The following CSMD1 variants were observed in gnomAD, a reference collection of about 807,000 sequenced individuals.
CSMD1 encodes CUB and Sushi multiple domains 1.
CSMD1 carries 213 observed loss-of-function variants against 417.5 expected under a neutral mutation model. That is an observed-to-expected ratio of 0.51 (90% CI 0.46 to 0.57). The LOEUF (loss-of-function observed/expected upper bound fraction) is 0.57, where lower values mean the gene tolerates loss of function less well. Ranked by LOEUF, CSMD1 falls within the 20% of genes least tolerant of loss-of-function variation. CSMD1 has a pLI of 0.00. For missense variants in CSMD1, 6,923 were observed against 4,529.7 expected (o/e 1.53, Z -15.17); for synonymous variants, 2,862 against 1,736.8 (o/e 1.65, Z -16.11).
intron 1 of CSMD1, among the ~76,000 whole-genome samples, chr8:4,736,435 A>G (rs192944269): frequency 1.3e-5 from 2 of 152,236 alleles, no homozygotes; most frequent in East Asian, 3.9e-4. Flanking sequence ...ATTTGCATGA[A>G]CAGAGAGAAG....
intron 1 of CSMD1, among the ~76,000 whole-genome samples, chr8:4,873,269 C>G (rs1176935538): frequency 6.6e-6 from 1 of 152,060 alleles, no homozygotes; most frequent in Non-Finnish European, 1.5e-5. Context: ...ATCAAAATCT[C>G]TTAAAAACTA....
At chr8:3,042,994 T>C (rs1174892089) in intron 50 of CSMD1, among the ~76,000 whole-genome samples, 2 of 151,592 alleles carry the variant, frequency 1.3e-5, no homozygotes, top group Non-Finnish European at 2.9e-5. Context: ...TAGGTCACTA[T>C]AGCGATAGGT....
In CSMD1 at chr8:3,406,443, T is replaced by C. The variant is rs903751696; in HGVS notation, c.2072-222A>G. Reference sequence around the variant, plus strand: ...GGGAGATGAACAAATATAACTATCATTTATGCAGCAATTTAGGGTTTGAAA... The same window carrying C: ...GGGAGATGAACAAATATAACTATCACTTATGCAGCAATTTAGGGTTTGAAA... On this transcript the variant is annotated intron_variant, in intron 14 of 69. Transcript: ENST00000635120. Among the ~76,000 whole-genome samples the C allele has an allele frequency of 3.9e-5, 6 of 152,176 alleles. No homozygotes were observed. The East Asian group carries it at 9.6e-4, about 24-fold the overall frequency.
intron 5 of CSMD1, among the ~76,000 whole-genome samples, chr8:3,809,539 C>A (rs1020334102): frequency 3.9e-5 from 6 of 152,168 alleles, no homozygotes; most frequent in Non-Finnish European, 2.9e-5. Flanking sequence ...GGTTCTCAAA[C>A]ATTGCCATGC....
intron 5 of CSMD1, among the ~76,000 whole-genome samples, chr8:3,760,389 A>T (rs1236664714): frequency 6.6e-6 from 1 of 152,186 alleles, no homozygotes; most frequent in Non-Finnish European, 1.5e-5. Flanking sequence ...GACTCATGGG[A>T]TCCTTACAGT....
intron 7 of CSMD1, among the ~76,000 whole-genome samples, chr8:3,684,233 A>G (rs113500771): frequency 7.0e-6 from 1 of 143,610 alleles, no homozygotes; most frequent in Non-Finnish European, 1.5e-5. Flanking sequence ...ATAATATATA[A>G]TATATAATTT....
intron 1 of CSMD1, among the ~76,000 whole-genome samples, chr8:4,918,557 T>C (rs1806224890): frequency 6.6e-6 from 1 of 152,192 alleles, no homozygotes; most frequent in South Asian, 2.1e-4. Context: ...ATTTCCAATG[T>C]CTAGACAAGC....
intron 10 of CSMD1, among the ~76,000 whole-genome samples, chr8:3,569,061 A>G (rs972898673): frequency 6.6e-6 from 1 of 152,206 alleles, no homozygotes; most frequent in Non-Finnish European, 1.5e-5. Context: ...ATATTTATAC[A>G]TATCATATAA....
At chr8:4,812,134 T>C (rs779506373) in intron 1 of CSMD1, among the ~76,000 whole-genome samples, 13 of 152,156 alleles carry the variant, frequency 8.5e-5, no homozygotes, top group African/African-American at 2.4e-4. Flanking sequence ...CACAACCAAT[T>C]ATGCCCTTCT....
chr8:4,544,355 A>T (rs1797542538), intron 2 of CSMD1, among the ~76,000 whole-genome samples: 1 of 152,098 alleles, frequency 6.6e-6, no homozygotes, highest in Admixed American at 6.6e-5. Flanking sequence ...TCCAGTTGTT[A>T]TTGAATCAAA....
rs183433977 is a variant in CSMD1 at position 4,831,630 on chromosome 8, G to A, written c.85+162702C>T. Among the ~76,000 whole-genome samples, 170 of 152,142 alleles carry A rather than the reference G, an allele frequency of 1.1e-3. 1 individual carries two copies. The highest frequency in any genetic ancestry group is 3.5e-3 in the Admixed American group (53 of 15,272). ...GCCACCTGGTGACACTCTTTCTTTC[G>A]CTTTGGAAAGGTCATGGAATGATGA... On this transcript the variant is annotated intron_variant, in intron 1 of 69. Coordinates refer to ENST00000635120, the MANE Select transcript of CSMD1 (RefSeq NM_033225.6).
chr8:3,145,066 T>A (rs972486300), intron 40 of CSMD1, among the ~76,000 whole-genome samples: 1 of 152,172 alleles, frequency 6.6e-6, no homozygotes, highest in African/African-American at 2.4e-5. Flanking sequence ...TGTGCATGCA[T>A]GCATTTGTGT....
At chr8:4,268,378 G>C (rs1194271624) in intron 3 of CSMD1, among the ~76,000 whole-genome samples, 2 of 152,124 alleles carry the variant, frequency 1.3e-5, no homozygotes, top group African/African-American at 2.4e-5. Context: ...AATACACTTA[G>C]TTAATTCTCT....
intron 3 of CSMD1, among the ~76,000 whole-genome samples, chr8:4,036,272 C>A (rs1305216496): frequency 3.3e-5 from 5 of 152,190 alleles, no homozygotes; most frequent in Non-Finnish European, 7.4e-5. Context: ...TAACATATCT[C>A]AAGATGCTGT....
At chr8:3,606,879 T>G (rs531399314) in intron 8 of CSMD1, among the ~76,000 whole-genome samples, 1 of 151,818 alleles carries the variant, frequency 6.6e-6, no homozygotes, top group Non-Finnish European at 1.5e-5. Flanking sequence ...CCCGGCAAAT[T>G]TTTTTGTATT....
chr8:2,954,125 G>T, intron 65 of CSMD1, 99 bp downstream of exon 65: 1 of 583,994 alleles, frequency 1.7e-6, no homozygotes, highest in Non-Finnish European at 2.9e-6. Context: ...GTGGACTAAC[G>T]GATTCAGAAA....
intron 3 of CSMD1, among the ~76,000 whole-genome samples, chr8:4,113,809 A>T (rs1032231956): frequency 6.6e-6 from 1 of 152,196 alleles, no homozygotes; most frequent in East Asian, 1.9e-4. Flanking sequence ...ACCAGCTACA[A>T]CATTCCCTTA....
At chr8:3,435,715 C>G (rs1490091926) in intron 12 of CSMD1, among the ~76,000 whole-genome samples, 1 of 152,152 alleles carries the variant, frequency 6.6e-6, no homozygotes, top group Non-Finnish European at 1.5e-5. Flanking sequence ...CCTTCCCATC[C>G]CAACACCCTA....
At chr8:4,380,558 T>A (rs143991131) in intron 3 of CSMD1, among the ~76,000 whole-genome samples, 74 of 152,296 alleles carry the variant, frequency 4.9e-4, no homozygotes, top group African/African-American at 1.7e-3. Flanking sequence ...ACATGAGGTT[T>A]GGGATGGGAC....
Sources: allele counts gnomAD v4.1 joint callset (sites outside exome capture counted in the v4.1 genomes callset), GRCh38; gene constraint gnomAD v4.1.1; transcripts MANE v1.5; gene names NCBI Gene and HGNC (gene_info 2026-07-23, HGNC 2026-07-21).